Variants in DMXL2 observed in about 807,000 individuals in gnomAD.
DMXL2 encodes dmX-like protein 2.
A neutral mutation model predicts 331.1 loss-of-function variants in DMXL2; 103 were observed. The ratio of observed to expected loss-of-function variants is 0.31; its 90% CI spans 0.27 to 0.37. The LOEUF (loss-of-function observed/expected upper bound fraction) is 0.37, where lower values mean the gene tolerates loss of function less well. Among genes scored for constraint, DMXL2 ranks in the 10% least tolerant of loss-of-function variants. The probability of loss-of-function intolerance (pLI) is 1.00; values close to 1 mark genes in which losing one functional copy is unlikely to be tolerated. For missense variants in DMXL2, 3,171 were observed against 3,642.9 expected (o/e 0.87, Z 3.33); for synonymous variants, 1,281 against 1,252.1 (o/e 1.02, Z -0.49).
In DMXL2 at chr15:51,572,325, G is replaced by A. The variant is rs1037967870; in HGVS notation, c.213+3731C>T. 4.0e-5 allele frequency among the ~76,000 whole-genome samples: 6 copies of A among 149,374 alleles called. No individual in the cohort carries two copies. In the Admixed American group the frequency reaches 4.0e-4, roughly 10 times the overall value. ...ACCAACCAAAAAAAGTCCAGGACCAGATGGATTCACAGCTGAATTCTACCA... is the reference window on the plus strand; with the variant it reads ...ACCAACCAAAAAAAGTCCAGGACCAAATGGATTCACAGCTGAATTCTACCA... On this transcript the variant is annotated intron_variant, in intron 2 of 43. Transcript: ENST00000560891.
chr15:51,592,977 C>T (rs2052506377), intron 1 of DMXL2, among the ~76,000 whole-genome samples: 1 of 152,182 alleles, frequency 6.6e-6, no homozygotes, highest in Non-Finnish European at 1.5e-5. Context: ...ATTGTAAAGA[C>T]CATCGAGGCT....
Position 51,559,934 on chromosome 15 carries a change from T to C in DMXL2, c.567+3447A>G, listed in dbSNP as rs544652597. ...CATATAACATATAACCCAGCAATTC[T>C]ATTCCTATGTATATACCCAAGAGAA... is the stretch of plus-strand genomic sequence containing the variant. On this transcript the variant is annotated intron_variant, in intron 6 of 43. Coordinates refer to ENST00000560891, the MANE Select transcript of DMXL2 (RefSeq NM_001378457.1). Among the ~76,000 whole-genome samples the C allele has an allele frequency of 1.4e-4, 21 of 152,338 alleles. 1 individual carries two copies. The South Asian group carries it at 4.4e-3, about 32-fold the overall frequency.
intron 1 of DMXL2, among the ~76,000 whole-genome samples, chr15:51,587,600 G>C (rs1346696063): frequency 6.6e-6 from 1 of 152,164 alleles, no homozygotes; most frequent in Admixed American, 6.5e-5. Flanking sequence ...CCAAGTCTTT[G>C]CTATTGTGAA....
At chr15:51,458,952 G>A (rs2039892291) in intron 34 of DMXL2, 157 bp from the exon 35 acceptor site, 2 of 653,108 alleles carry the variant, frequency 3.1e-6, no homozygotes, top group East Asian at 2.8e-5. Flanking sequence ...TTAATGTGTT[G>A]AAAACTAGCT....
At chr15:51,582,046 T>C (rs1315010986) in intron 1 of DMXL2, among the ~76,000 whole-genome samples, 1 of 152,140 alleles carries the variant, frequency 6.6e-6, no homozygotes, top group Non-Finnish European at 1.5e-5. Flanking sequence ...TATGTCTACT[T>C]TTCTACTGAA....
At chr15:51,576,007 A>T in intron 2 of DMXL2, 49 bp downstream of exon 2, 1 of 1,529,860 alleles carries the variant, frequency 6.5e-7, no homozygotes, top group South Asian at 1.2e-5. Context: ...TTCTGAGATT[A>T]TTAAACACAT....
At chr15:51,551,304 T>A (rs891825184) in intron 6 of DMXL2, among the ~76,000 whole-genome samples, 1 of 152,096 alleles carries the variant, frequency 6.6e-6, no homozygotes, top group Admixed American at 6.6e-5. Context: ...AACACTTAAC[T>A]CTTAGGATAA....
chr15:51,557,490 A>G (rs2049675824), intron 6 of DMXL2, among the ~76,000 whole-genome samples: 1 of 152,224 alleles, frequency 6.6e-6, no homozygotes, highest in Non-Finnish European at 1.5e-5. Context: ...AATCAGAATC[A>G]TAAGAGGTTT....
At chr15:51,574,965 A>G (rs554565359) in intron 2 of DMXL2, among the ~76,000 whole-genome samples, 13 of 152,316 alleles carry the variant, frequency 8.5e-5, no homozygotes, top group Admixed American at 2.6e-4. Flanking sequence ...AAGAGCAACA[A>G]AAAATTAAAA....
chr15:51,479,474 C>G (rs2041847393), intron 25 of DMXL2, among the ~76,000 whole-genome samples: 2 of 152,034 alleles, frequency 1.3e-5, no homozygotes, highest in Non-Finnish European at 1.5e-5. Flanking sequence ...TAGTAACTGC[C>G]AAAACTCTGA....
chr15:51,510,010 C>T (rs902521313), intron 15 of DMXL2, among the ~76,000 whole-genome samples: 8 of 152,076 alleles, frequency 5.3e-5, no homozygotes, highest in African/African-American at 1.9e-4. Flanking sequence ...TCAACAGCCC[C>T]TCATGCTAAA....
At chr15:51,515,948 A>G (rs2140662189) in intron 14 of DMXL2, among the ~76,000 whole-genome samples, 1 of 152,312 alleles carries the variant, frequency 6.6e-6, no homozygotes, top group South Asian at 2.1e-4. Flanking sequence ...TGGGGATTAA[A>G]AAGTTAAGCA....
At chr15:51,497,114 T>C (rs189561060) in intron 18 of DMXL2, among the ~76,000 whole-genome samples, 1 of 152,338 alleles carries the variant, frequency 6.6e-6, no homozygotes, top group East Asian at 1.9e-4. Flanking sequence ...TTAAGGTTGT[T>C]CTGGGAAGAA....
At chr15:51,586,351 A>G (rs184120294) in intron 1 of DMXL2, among the ~76,000 whole-genome samples, 1,777 of 152,322 alleles carry the variant, frequency 0.012, 47 homozygotes, top group Middle Eastern at 0.058. Context: ...CGAGGGAAAC[A>G]TAAGACAAAG....
chr15:51,514,586 G>C, intron 14 of DMXL2, 27 bp from the exon 15 acceptor site: 1 of 1,427,436 alleles, frequency 7.0e-7, no homozygotes, highest in Non-Finnish European at 9.7e-7. Context: ...AAATGAAGAG[G>C]TTTTATCTTT....
At chr15:51,473,686 T>C (rs1368691078) in intron 28 of DMXL2, among the ~76,000 whole-genome samples, 1 of 152,226 alleles carries the variant, frequency 6.6e-6, no homozygotes, top group Non-Finnish European at 1.5e-5. Flanking sequence ...AGCATCAAGA[T>C]AGAAATCTTT....
In DMXL2 at chr15:51,537,475, C is replaced by G. The variant is rs1183203513; in HGVS notation, c.1617+13G>C. 4 of 1,585,722 alleles carry G rather than the reference C, an allele frequency of 2.5e-6. No homozygotes were observed. In the East Asian group the frequency reaches 9.0e-5, roughly 36 times the overall value. ...TTAAGAAATGTAATAACTATTTCAT[C>G]AATAAAATATACCTGAACTTGTCTA... On this transcript the variant is annotated intron_variant, in intron 11 of 43. Transcript: ENST00000560891.
chr15:51,467,599 C>T (rs2040701101), intron 29 of DMXL2, among the ~76,000 whole-genome samples: 1 of 152,020 alleles, frequency 6.6e-6, no homozygotes, highest in Non-Finnish European at 1.5e-5. Flanking sequence ...ATACTTAATG[C>T]TAATAAGGGG....
chr15:51,513,834 T>TA (rs2046889058), intron 15 of DMXL2, among the ~76,000 whole-genome samples: 1 of 152,146 alleles, frequency 6.6e-6, no homozygotes, highest in Admixed American at 6.5e-5. Context: ...TTTGCCAATT[T>TA]AAAAAACTTA....
Sources: gnomAD v4.1 joint callset for allele counts (sites outside exome capture counted in the v4.1 genomes callset) on GRCh38, gnomAD v4.1.1 for gene constraint, MANE v1.5 for transcripts, NCBI Gene and HGNC (gene_info 2026-07-23, HGNC 2026-07-21) for gene names.